The following ABCA1 variants were observed in gnomAD, a reference collection of about 807,000 sequenced individuals.
The protein encoded by ABCA1 is ATP binding cassette subfamily A member 1, also known as phospholipid-transporting ATPase ABCA1.
A neutral mutation model predicts 262.5 loss-of-function variants in ABCA1; 133 were observed. The observed-to-expected ratio is 0.51, with a 90% CI of 0.44 to 0.59. The LOEUF (loss-of-function observed/expected upper bound fraction) is 0.59. ABCA1 is among the 20% of genes least tolerant of loss of function. ABCA1 has a pLI of 0.00. For missense variants in ABCA1, 2,452 were observed against 2,777.5 expected (o/e 0.88, Z 2.63); for synonymous variants, 1,022 against 1,043.5 (o/e 0.98, Z 0.40).
At chr9:104,922,249 A>G (rs1053119553) in intron 1 of ABCA1, among the ~76,000 whole-genome samples, 1 of 152,244 alleles carries the variant, frequency 6.6e-6, no homozygotes, top group African/African-American at 2.4e-5. Context: ...CTCTGGCCTC[A>G]AGTATTTCTA....
In ABCA1 at chr9:104,819,652, G is replaced by A. The variant is rs371168450; in HGVS notation, c.3175C>T (p.Pro1059Ser). ...GAGTAAGGGTCCACACCAGCTGTGG[G>A]TTCATCCAGAATGACAACCTTAGAT... ...GGSKVVILDE[P>S]TAGVDPYSRR... Residue 1059 changes from proline to serine, a missense_variant, in exon 22 of 50, where the codon CCC becomes TCC. This residue lies in a region of ABCA1 where 665 missense variants were observed against 727.3 expected (regional missense o/e 0.91). Transcript: ENST00000374736. 2.5e-6 allele frequency: 4 copies of A among 1,614,072 alleles called. No homozygotes were observed. Among genetic ancestry groups the A allele is most frequent in the Non-Finnish European group, 3.4e-6 (4 of 1,180,048 alleles).
chr9:104,793,202 G>C lies in ABCA1; in HGVS notation c.5605C>G (p.Leu1869Val). Residue 1869 changes from leucine (L) to valine (V), a missense_variant, in exon 41 of 50, where the codon CTG becomes GTG. Leu to Val is a conservative substitution (Grantham distance 32). Coordinates refer to ENST00000374736, the MANE Select transcript of ABCA1 (RefSeq NM_005502.4). ...CTGATGAAGAATCTGTACTGGATCA[G>C]AACAGTAATGAGGAAGAACACCACC... is the stretch of plus-strand genomic sequence containing the variant. ...EGVVFFLITV[L>V]IQYRFFIRPR... The C allele has an allele frequency of 1.2e-6, 2 of 1,614,094 alleles. No homozygotes were observed. The highest frequency in any genetic ancestry group is 1.3e-5 in the African/African-American group (1 of 75,014).
At chr9:104,806,484 G>A (rs1415745359) in intron 30 of ABCA1, 54 bp from the exon 31 acceptor site, 5 of 1,568,308 alleles carry the variant, frequency 3.2e-6, no homozygotes, top group Non-Finnish European at 4.4e-6. Flanking sequence ...TGGCCTTTCT[G>A]TTGCCTCAGG....
intron 8 of ABCA1, among the ~76,000 whole-genome samples, chr9:104,842,926 C>T (rs970203529): frequency 6.6e-6 from 1 of 152,198 alleles, no homozygotes; most frequent in African/African-American, 2.4e-5. Context: ...CCTCCCCCCA[C>T]CACTTGCTCA....
Position 104,806,261 on chromosome 9 carries a change from C to G in ABCA1, c.4444G>C (p.Gly1482Arg). The G allele has an allele frequency of 1.2e-6, 2 of 1,613,448 alleles. No homozygotes were observed. The highest frequency in any genetic ancestry group is 2.2e-5 in the East Asian group (1 of 44,876). The part of the protein sequence containing the change: ...KMLPVCPPGA[G>R]GLPPPQRKQN... Reference sequence around the variant, plus strand: ...CTCACTTGTGGAGGAGGCAGCCCCCCTGCCCCTGGGGGACACACAGGCAGC... The same window carrying G: ...CTCACTTGTGGAGGAGGCAGCCCCCGTGCCCCTGGGGGACACACAGGCAGC... The change falls in exon 31 of 50, where the codon GGG becomes CGG. Residue 1482 changes from glycine to arginine, a missense_variant. By Grantham distance (125) the Gly-to-Arg change is moderately radical. Coordinates refer to ENST00000374736, the MANE Select transcript of ABCA1 (RefSeq NM_005502.4).
chr9:104,902,427 C>T (rs1465978719), intron 2 of ABCA1, among the ~76,000 whole-genome samples: 1 of 152,168 alleles, frequency 6.6e-6, no homozygotes, highest in Non-Finnish European at 1.5e-5. Context: ...TGGCCAAACT[C>T]AAAATGATCA....
chr9:104,797,475 G>A (rs76860276), intron 37 of ABCA1, among the ~76,000 whole-genome samples: 1 of 152,302 alleles, frequency 6.6e-6, no homozygotes, highest in East Asian at 1.9e-4. Context: ...TTGTGCTGCA[G>A]TAATAGAAGT....
chr9:104,790,784 G>A (rs556434175), intron 44 of ABCA1, 138 bp downstream of exon 44: 35 of 635,782 alleles, frequency 5.5e-5, no homozygotes, highest in African/African-American at 4.8e-4. Flanking sequence ...GATTTTATGT[G>A]CTTCTTTACC....
At chr9:104,875,351 CAAAAAAAAA>C (rs749025515) in intron 5 of ABCA1, among the ~76,000 whole-genome samples, 1 of 63,994 alleles carries the variant, frequency 1.6e-5, no homozygotes. Context: ...GACTCCATCT[CAAAAAAAAA>C]AAAAAAAAAG....
intron 32 of ABCA1, 42 bp downstream of exon 32, chr9:104,804,583 AT>A: frequency 1.4e-6 from 2 of 1,459,172 alleles, no homozygotes; most frequent in African/African-American, 2.8e-5. Context: ...AATTCCTCTA[AT>A]TAGTAATAAT....
At chr9:104,906,349 G>A (rs754254097) in intron 1 of ABCA1, among the ~76,000 whole-genome samples, 27 of 152,100 alleles carry the variant, frequency 1.8e-4, no homozygotes, top group Non-Finnish European at 3.5e-4. Context: ...TCTACACAAC[G>A]TTCATGAGAA....
chr9:104,857,107 C>G (rs1835902980), intron 7 of ABCA1, among the ~76,000 whole-genome samples: 2 of 152,136 alleles, frequency 1.3e-5, no homozygotes, highest in Admixed American at 1.3e-4. Context: ...GAGTTCGAGA[C>G]CAGCTGGGCA....
intron 13 of ABCA1, 52 bp from the exon 14 acceptor site, chr9:104,831,153 A>T: frequency 9.5e-6 from 12 of 1,259,040 alleles, no homozygotes; most frequent in Admixed American, 2.6e-5. Context: ...ATACAATAAA[A>T]AAAAAAAAAA....
rs544799794 is a variant in ABCA1 at position 104,807,748 on chromosome 9, G to A, written c.4275-1318C>T. Among the ~76,000 whole-genome samples the A allele has an allele frequency of 4.0e-5, 6 of 151,694 alleles. No homozygotes were observed. The East Asian group carries it at 1.2e-3, about 29-fold the overall frequency. ...GAATCACTTGAACCTGGGAGGCAGA[G>A]GTGGCAGTGAGCCAAGATTGAGCCA... is the stretch of plus-strand genomic sequence containing the variant. On this transcript the variant is annotated intron_variant, in intron 30 of 49. Coordinates refer to ENST00000374736, the MANE Select transcript of ABCA1 (RefSeq NM_005502.4).
rs546250481 is a variant in ABCA1, at chr9:104,816,237, T to G, written c.3644A>C (p.Glu1215Ala). The part of the protein sequence containing the change: ...TYVLPYEAAK[E>A]GAFVELFHEI... ...ATGAAAGAGTTCCACAAAGGCTCCCTCCTTAGCAGCTTCATATGGCAGCAC... is the reference window on the plus strand; with the variant it reads ...ATGAAAGAGTTCCACAAAGGCTCCCGCCTTAGCAGCTTCATATGGCAGCAC... Residue 1215 changes from glutamate (E) to alanine (A), a missense_variant, in exon 25 of 50, where the codon GAG becomes GCG. Transcript: ENST00000374736. The G allele has an allele frequency of 8.1e-6, 13 of 1,614,012 alleles. No individual in the cohort carries two copies. In the South Asian group the frequency reaches 1.4e-4, roughly 18 times the overall value.
chr9:104,835,600 A>G (rs2119018860), intron 11 of ABCA1, among the ~76,000 whole-genome samples: 1 of 152,210 alleles, frequency 6.6e-6, no homozygotes, highest in East Asian at 1.9e-4. Context: ...AGAGTAACGT[A>G]TCTACATCTC....
At chr9:104,862,686 G>C (rs1255106298) in intron 5 of ABCA1, among the ~76,000 whole-genome samples, 298 of 1,412 alleles carry the variant, frequency 0.21, 93 homozygotes, top group African/African-American at 0.46. Context: ...GGCCGGGCCG[G>C]GCCGGGCCGG....
Position 104,784,298 on chromosome 9 carries a change from CG to C in ABCA1, c.*16del, listed in dbSNP as rs762785983. The C allele has an allele frequency of 2.4e-4, 383 of 1,613,956 alleles. No homozygotes were observed. The highest frequency in any genetic ancestry group is 1.4e-4 in the Non-Finnish European group (161 of 1,179,938). ...AGTTCCTCTTTACTTTCAGCCACCC[CG>C]TATGAACAGGATTCTTCATACATAG... On this transcript the variant is annotated 3_prime_UTR_variant, in exon 50 of 50. Transcript: ENST00000374736.
At chr9:104,794,157 A>G (rs550467171) in intron 40 of ABCA1, among the ~76,000 whole-genome samples, 2 of 152,184 alleles carry the variant, frequency 1.3e-5, no homozygotes, top group Non-Finnish European at 2.9e-5. Context: ...CTTACCTTCA[A>G]AACTGCCCTT....
Sources: allele counts gnomAD v4.1 joint callset (sites outside exome capture counted in the v4.1 genomes callset), GRCh38; gene constraint gnomAD v4.1.1; regional missense constraint gnomAD v4.1.1; transcripts MANE v1.5; gene names NCBI Gene and HGNC (gene_info 2026-07-23, HGNC 2026-07-21).